The following SPOCK3 variants were observed in gnomAD, a reference collection of about 807,000 sequenced individuals.
SPOCK3 encodes the protein testican-3.
Under a neutral mutation model 56.6 loss-of-function variants are expected in SPOCK3, and 30 were observed. The ratio of observed to expected loss-of-function variants is 0.53; its 90% CI spans 0.40 to 0.72. The LOEUF is 0.72. SPOCK3 is among the 30% of genes least tolerant of loss of function. The pLI, the probability that SPOCK3 is intolerant of heterozygous loss-of-function variation, is 0.00. For missense variants in SPOCK3, 527 were observed against 530.0 expected (o/e 0.99, Z 0.06); for synonymous variants, 196 against 183.3 (o/e 1.07, Z -0.56).
At chr4:166,982,070 T>C (rs1352075444) in intron 4 of SPOCK3, among the ~76,000 whole-genome samples, 1 of 152,178 alleles carries the variant, frequency 6.6e-6, no homozygotes, top group Non-Finnish European at 1.5e-5. Flanking sequence ...GTTGGCTGGC[T>C]GCAGCTGTGC....
intron 4 of SPOCK3, among the ~76,000 whole-genome samples, chr4:166,959,877 G>A (rs377019722): frequency 6.6e-6 from 1 of 152,100 alleles, no homozygotes; most frequent in East Asian, 1.9e-4. Context: ...TTAATTAAGG[G>A]AGTAGGCACA....
At chr4:167,153,129 G>A (rs901956552) in intron 2 of SPOCK3, among the ~76,000 whole-genome samples, 1 of 152,130 alleles carries the variant, frequency 6.6e-6, no homozygotes, top group Non-Finnish European at 1.5e-5. Context: ...GGTTCAGTAA[G>A]GTGAGATAAC....
At chr4:167,017,209 G>A (rs1347462588) in intron 3 of SPOCK3, among the ~76,000 whole-genome samples, 1 of 152,026 alleles carries the variant, frequency 6.6e-6, no homozygotes, top group Non-Finnish European at 1.5e-5. Context: ...AGTGGGGCAG[G>A]GGATCATCTG....
At position 167,046,461 on chromosome 4, in the gene SPOCK3, T is replaced by TC. The variant is rs1753742236; in HGVS notation, c.235+16030_235+16031insG. ...TTCTTTCTGATATTCTTTTTTTTTT[T>TC]TTTTTTTTTTTTTTAACAAAGTCTC... On this transcript the variant is annotated intron_variant, in intron 3 of 10. Transcript: ENST00000357545. Among the ~76,000 whole-genome samples the TC allele has an allele frequency of 1.4e-5, 2 of 140,664 alleles. 1 individual carries two copies. The highest frequency in any genetic ancestry group is 1.4e-4 in the Admixed American group (2 of 14,104). 92.3% of individuals were successfully genotyped at this position (140,664 alleles called of 152,430 possible).
intron 2 of SPOCK3, among the ~76,000 whole-genome samples, chr4:167,213,190 G>T (rs1172443357): frequency 6.6e-6 from 1 of 152,204 alleles, no homozygotes; most frequent in Non-Finnish European, 1.5e-5. Context: ...CTAGGCCTCA[G>T]TTCCTTGCTA....
chr4:166,898,224 T>A lies in SPOCK3; in HGVS notation c.475-8980A>T, dbSNP rs536466418. ...AAAAAAGAAAAAAAAATATTTTTCA[T>A]GTCTGGACAGTAGGTTTGGCTCAAA... is the stretch of plus-strand genomic sequence containing the variant. On this transcript the variant is annotated intron_variant, in intron 5 of 10. Coordinates refer to ENST00000357545, the MANE Select transcript of SPOCK3 (RefSeq NM_001040159.2). Among the ~76,000 whole-genome samples the A allele has an allele frequency of 1.2e-4, 19 of 152,198 alleles. 1 individual carries two copies. The highest frequency in any genetic ancestry group is 4.3e-4 in the African/African-American group (18 of 41,538).
intron 6 of SPOCK3, among the ~76,000 whole-genome samples, chr4:166,859,364 T>C (rs750820571): frequency 1.3e-5 from 2 of 152,184 alleles, no homozygotes; most frequent in Non-Finnish European, 2.9e-5. Context: ...ATATTATTTC[T>C]AATAGAGGTT....
At chr4:167,142,094 A>G (rs1478825505) in intron 2 of SPOCK3, among the ~76,000 whole-genome samples, 3 of 152,024 alleles carry the variant, frequency 2.0e-5, no homozygotes, top group Non-Finnish European at 4.4e-5. Context: ...TGACACATCA[A>G]TTAAGTATGT....
chr4:166,786,650 G>T (rs1487235537), intron 7 of SPOCK3, among the ~76,000 whole-genome samples: 1 of 152,152 alleles, frequency 6.6e-6, no homozygotes, highest in Non-Finnish European at 1.5e-5. Flanking sequence ...ATAACAAGTA[G>T]TCAATTCTTA....
At chr4:167,151,283 C>T (rs1764394235) in intron 2 of SPOCK3, among the ~76,000 whole-genome samples, 1 of 152,152 alleles carries the variant, frequency 6.6e-6, no homozygotes, top group African/African-American at 2.4e-5. Flanking sequence ...TTTTGCATAG[C>T]ATCCTCACTT....
intron 4 of SPOCK3, among the ~76,000 whole-genome samples, chr4:166,943,567 C>T (rs774950054): frequency 2.6e-5 from 4 of 152,050 alleles, no homozygotes; most frequent in Non-Finnish European, 5.9e-5. Context: ...CAATTTTTTA[C>T]AGTTCAGTGA....
At chr4:166,813,356 A>T (rs1744040113) in intron 6 of SPOCK3, among the ~76,000 whole-genome samples, 1 of 151,856 alleles carries the variant, frequency 6.6e-6, no homozygotes, top group African/African-American at 2.4e-5. Flanking sequence ...AGAAATGAAA[A>T]CTCAAGGATT....
intron 2 of SPOCK3, among the ~76,000 whole-genome samples, chr4:167,176,440 A>T (rs1730988438): frequency 6.6e-6 from 1 of 152,056 alleles, no homozygotes; most frequent in Non-Finnish European, 1.5e-5. Flanking sequence ...TATAATGTAC[A>T]TTCTATTAGC....
At chr4:166,806,316 A>G (rs1227538454) in intron 6 of SPOCK3, among the ~76,000 whole-genome samples, 5 of 152,082 alleles carry the variant, frequency 3.3e-5, no homozygotes, top group Non-Finnish European at 5.9e-5. Flanking sequence ...TCAATACATA[A>G]TGCTACATTT....
chr4:167,123,034 A>G (rs1479895552), intron 2 of SPOCK3, among the ~76,000 whole-genome samples: 1 of 151,898 alleles, frequency 6.6e-6, no homozygotes, highest in East Asian at 1.9e-4. Context: ...TGTCCTCAGT[A>G]ACACTAGTGT....
chr4:166,792,231 G>T lies in SPOCK3; in HGVS notation c.648C>A (p.Ala216=). 1.2e-6 allele frequency: 2 copies of T among 1,613,734 alleles called. No individual in the cohort carries two copies. The highest frequency in any genetic ancestry group is 1.7e-6 in the Non-Finnish European group (2 of 1,179,850). ...TGTTTTGACTTCCACTTTCATGAAG[G>T]GCCTTGAACCAGTCCCGCAATCTGT... ...VANRLRDWFK[A]LHESGSQNKK... Residue 216 remains alanine (A), a synonymous_variant, in exon 7 of 11, where the codon GCC becomes GCA. Transcript: ENST00000357545.
intron 4 of SPOCK3, among the ~76,000 whole-genome samples, chr4:166,954,468 G>T (rs1468534153): frequency 6.6e-6 from 1 of 151,956 alleles, no homozygotes; most frequent in Non-Finnish European, 1.5e-5. Context: ...TCCCATTTAA[G>T]TTTATTTTTG....
At chr4:166,944,943 T>C (rs568602705) in intron 4 of SPOCK3, among the ~76,000 whole-genome samples, 1 of 152,348 alleles carries the variant, frequency 6.6e-6, no homozygotes, top group South Asian at 2.1e-4. Flanking sequence ...TTTCCAATTG[T>C]ATTCAGTGGG....
intron 3 of SPOCK3, among the ~76,000 whole-genome samples, chr4:167,003,676 C>A (rs1380474959): frequency 6.6e-6 from 1 of 152,158 alleles, no homozygotes; most frequent in Non-Finnish European, 1.5e-5. Flanking sequence ...GTCAAACTAC[C>A]TCTAGAAAGA....
Sources: gnomAD v4.1 joint callset for allele counts (sites outside exome capture counted in the v4.1 genomes callset) on GRCh38, gnomAD v4.1.1 for gene constraint, MANE v1.5 for transcripts, NCBI Gene and HGNC (gene_info 2026-07-23, HGNC 2026-07-21) for gene names.